C8orf34: variants seen among roughly 807,000 people sequenced by gnomAD.
C8orf34 encodes the protein chromosome 8 open reading frame 34, also known as uncharacterized protein C8orf34.
A neutral mutation model predicts 68.3 loss-of-function variants in C8orf34; 65 were observed. The observed-to-expected ratio is 0.95, with a 90% CI of 0.78 to 1.17. The LOEUF is 1.17. Among genes scored for constraint, C8orf34 ranks in the 50% most tolerant of loss-of-function variants. The pLI is 0.00. For missense variants in C8orf34, 664 were observed against 655.4 expected (o/e 1.01, Z -0.14); for synonymous variants, 244 against 241.2 (o/e 1.01, Z -0.11).
chr8:68,624,421 G>GC (rs967750336), intron 7 of C8orf34, among the ~76,000 whole-genome samples: 1 of 152,142 alleles, frequency 6.6e-6, no homozygotes, highest in African/African-American at 2.4e-5. Context: ...TGTAGAAGGT[G>GC]CATGTATAAC....
rs921759928 is a variant in C8orf34, at chr8:68,331,103, C to T, written c.91C>T (p.Arg31Trp). 4.7e-6 allele frequency: 7 copies of T among 1,495,186 alleles called. No homozygotes were observed. Among genetic ancestry groups the T allele is most frequent in the Middle Eastern group, 1.9e-4 (1 of 5,290 alleles). 92.6% of individuals were successfully genotyped at this position (1,495,186 alleles called of 1,614,324 possible). The part of the protein sequence containing the change: ...LSAPHARVAP[R>W]AATHARGRGR... ...AGCGCCCCACGCGCGCGTGGCTCCCCGGGCTGCCACCCACGCCCGCGGCCG... is the reference window on the plus strand; with the variant it reads ...AGCGCCCCACGCGCGCGTGGCTCCCTGGGCTGCCACCCACGCCCGCGGCCG... Residue 31 changes from arginine (R) to tryptophan (W), a missense_variant, in exon 1 of 14, where the codon CGG becomes TGG. Coordinates refer to ENST00000518698, the MANE Select transcript of C8orf34 (RefSeq NM_052958.4).
At chr8:68,735,333 CCATT>C (rs1822094406) in intron 10 of C8orf34, among the ~76,000 whole-genome samples, 1 of 152,156 alleles carries the variant, frequency 6.6e-6, no homozygotes, top group Admixed American at 6.5e-5. Flanking sequence ...TTGAAATTAC[CCATT>C]CAAACTGTTC....
At chr8:68,456,268 A>AT (rs1053814539) in intron 3 of C8orf34, among the ~76,000 whole-genome samples, 1 of 151,578 alleles carries the variant, frequency 6.6e-6, no homozygotes, top group African/African-American at 2.4e-5. Flanking sequence ...AAAAAAAAAA[A>AT]TTTTCTGTCT....
intron 1 of C8orf34, among the ~76,000 whole-genome samples, chr8:68,404,431 A>G (rs1360791155): frequency 2.6e-5 from 4 of 152,132 alleles, no homozygotes; most frequent in Non-Finnish European, 4.4e-5. Context: ...TTGGTATTTT[A>G]GTCATGAAGT....
intron 7 of C8orf34, among the ~76,000 whole-genome samples, chr8:68,578,753 T>C (rs1816979323): frequency 6.6e-6 from 1 of 152,012 alleles, no homozygotes; most frequent in Non-Finnish European, 1.5e-5. Flanking sequence ...AACACATACT[T>C]GAATGCAACT....
intron 10 of C8orf34, among the ~76,000 whole-genome samples, chr8:68,744,427 A>G (rs1305980508): frequency 6.6e-6 from 1 of 152,206 alleles, no homozygotes; most frequent in Admixed American, 6.5e-5. Flanking sequence ...CAGATGATCA[A>G]ATTACTCTGA....
rs201947874 is a variant in C8orf34 at position 68,722,881 on chromosome 8, T to TG, written c.1404+1444_1404+1445insG. On this transcript the variant is annotated intron_variant, in intron 10 of 13. Transcript: ENST00000518698. ...TATATTTTCCTTTACTGTAAAATGG[T>TG]AAAATCTTAGAAATAGAAAAAACCA... 7.8e-3 allele frequency among the ~76,000 whole-genome samples: 1,184 copies of TG among 152,164 alleles called. 14 individuals are homozygous for TG. The highest frequency in any genetic ancestry group is 0.027 in the African/African-American group (1,118 of 41,552).
intron 1 of C8orf34, among the ~76,000 whole-genome samples, chr8:68,403,878 T>A (rs1230886394): frequency 6.6e-6 from 1 of 152,208 alleles, no homozygotes; most frequent in African/African-American, 2.4e-5. Flanking sequence ...GAATGATTTA[T>A]AACCCTTTGG....
At chr8:68,721,260 C>T in intron 9 of C8orf34, 101 bp from the exon 10 acceptor site, 1 of 719,256 alleles carries the variant, frequency 1.4e-6, no homozygotes, top group Non-Finnish European at 2.3e-6. Flanking sequence ...TTTTCAACAC[C>T]CAATTCCATC....
At chr8:68,601,991 G>T (rs1374920198) in intron 7 of C8orf34, among the ~76,000 whole-genome samples, 1 of 152,130 alleles carries the variant, frequency 6.6e-6, no homozygotes, top group African/African-American at 2.4e-5. Context: ...TGGAAGTTCA[G>T]CTCCCTCCCC....
At chr8:68,459,676 A>G (rs4737905) in intron 3 of C8orf34, among the ~76,000 whole-genome samples, 96,880 of 152,092 alleles carry the variant, frequency 0.64, 30,920 homozygotes, top group East Asian at 0.68. Context: ...CCAAAGAAAA[A>G]CAAACAATAT....
At chr8:68,620,240 T>C (rs1347713827) in intron 7 of C8orf34, among the ~76,000 whole-genome samples, 1 of 152,094 alleles carries the variant, frequency 6.6e-6, no homozygotes, top group African/African-American at 2.4e-5. Flanking sequence ...GGAGGATAAC[T>C]GGAAATTGAG....
chr8:68,611,679 C>G (rs1187645387), intron 7 of C8orf34, among the ~76,000 whole-genome samples: 1 of 152,092 alleles, frequency 6.6e-6, no homozygotes, highest in Non-Finnish European at 1.5e-5. Flanking sequence ...ATGTCAGTAT[C>G]AACTAGTTTA....
rs779860135 is a variant in C8orf34 at position 68,468,816 on chromosome 8, T to A, written c.732T>A (p.Ser244=). The A allele has an allele frequency of 6.2e-7, 1 of 1,608,898 alleles. No individual in the cohort carries two copies. The highest frequency in any genetic ancestry group is 1.1e-5 in the South Asian group (1 of 90,112). ...TGGGGAAAGCCCTTGAGAATCTCTC[T>A]CGAAGTAAGTTCATTTACTTGATTA... ...KKLGKALENL[S]RSIAISDELD... Residue 244 remains serine, a synonymous_variant, in exon 4 of 14, where the codon TCT becomes TCA. Coordinates refer to ENST00000518698, the MANE Select transcript of C8orf34 (RefSeq NM_052958.4).
chr8:68,672,958 A>G (rs1285660505), intron 8 of C8orf34, among the ~76,000 whole-genome samples: 2 of 149,156 alleles, frequency 1.3e-5, no homozygotes, highest in Admixed American at 1.3e-4. Flanking sequence ...GGCATTGGGT[A>G]GGGTTTTGAG....
rs60113883 is a variant in C8orf34, at chr8:68,610,861, GT to G, written c.1106-29495del. ...GTTTTCTGGTTACAGTGAATCTTTG[GT>G]TTTTTTTTTTTTTTTTTTTGAGACA... is the stretch of plus-strand genomic sequence containing the variant. On this transcript the variant is annotated intron_variant, in intron 7 of 13. Transcript: ENST00000518698. Among the ~76,000 whole-genome samples, 106 of 120,448 alleles carry G rather than the reference GT, an allele frequency of 8.8e-4. 2 individuals carry two copies. The highest frequency in any genetic ancestry group is 8.8e-3 in the Middle Eastern group (2 of 228). The allele number at this position is 120,448 out of a possible 152,430, so 79.0% of individuals were successfully genotyped here. A position where few individuals can be genotyped will look rare whatever the true frequency, so the allele number is the denominator to read the frequency against.
chr8:68,541,265 C>T (rs779836751), intron 7 of C8orf34, among the ~76,000 whole-genome samples: 20 of 151,960 alleles, frequency 1.3e-4, no homozygotes, highest in Non-Finnish European at 1.9e-4. Context: ...GAGTTCAAGA[C>T]CAGCCTGGGC....
At chr8:68,620,585 C>T (rs924345518) in intron 7 of C8orf34, among the ~76,000 whole-genome samples, 3 of 147,710 alleles carry the variant, frequency 2.0e-5, no homozygotes, top group African/African-American at 7.5e-5. Flanking sequence ...CCTAGAGTGG[C>T]AAGAAGGAAA....
At chr8:68,451,146 C>T (rs80088447) in intron 3 of C8orf34, among the ~76,000 whole-genome samples, 1 of 152,018 alleles carries the variant, frequency 6.6e-6, no homozygotes, top group Admixed American at 6.6e-5. Flanking sequence ...TGCTAGCTTT[C>T]AAATTTTCTT....
Sources: gnomAD v4.1 joint callset for allele counts (sites outside exome capture counted in the v4.1 genomes callset) on GRCh38, gnomAD v4.1.1 for gene constraint, MANE v1.5 for transcripts, NCBI Gene and HGNC (gene_info 2026-07-23, HGNC 2026-07-21) for gene names.